Variants in ASIC2 observed in about 807,000 individuals in gnomAD.
ASIC2 encodes the protein acid-sensing ion channel 2.
ASIC2 carries 25 observed loss-of-function variants against 57.3 expected under a neutral mutation model. The observed-to-expected ratio is 0.44, with a 90% CI of 0.32 to 0.61. ASIC2 has a LOEUF of 0.61. Among genes scored for constraint, ASIC2 ranks in the 20% least tolerant of loss-of-function variants. The probability of loss-of-function intolerance (pLI) is 0.06; values close to 1 mark genes in which losing one functional copy is unlikely to be tolerated. For missense variants in ASIC2, 641 were observed against 738.1 expected, an observed-to-expected ratio of 0.87 and a Z score of 1.52; for synonymous variants, 319 against 307.5, an observed-to-expected ratio of 1.04 and a Z score of -0.39.
intron 1 of ASIC2, among the ~76,000 whole-genome samples, chr17:34,116,660 G>T (rs566686047): frequency 3.3e-5 from 5 of 152,220 alleles, no homozygotes; most frequent in South Asian, 2.1e-4. Context: ...TAGACCACCT[G>T]TCTTTCTCCC....
At chr17:33,873,015 A>C (rs1914459820) in intron 1 of ASIC2, among the ~76,000 whole-genome samples, 1 of 152,140 alleles carries the variant, frequency 6.6e-6, no homozygotes, top group South Asian at 2.1e-4. Context: ...TAAGACAGAG[A>C]CAAGAACTTC....
intron 1 of ASIC2, among the ~76,000 whole-genome samples, chr17:33,751,240 G>T (rs1241904617): frequency 6.6e-6 from 1 of 152,186 alleles, no homozygotes; most frequent in African/African-American, 2.4e-5. Context: ...ACGGCTCATA[G>T]CTTGCTGCTA....
At chr17:33,311,903 C>A (rs1005135771) in intron 1 of ASIC2, among the ~76,000 whole-genome samples, 22 of 152,220 alleles carry the variant, frequency 1.4e-4, no homozygotes, top group African/African-American at 5.1e-4. Flanking sequence ...GCTCCACCAT[C>A]AGCAAATGGC....
chr17:33,709,393 G>A (rs927866508), intron 1 of ASIC2, among the ~76,000 whole-genome samples: 11 of 152,140 alleles, frequency 7.2e-5, no homozygotes, highest in African/African-American at 2.2e-4. Context: ...AGATAATCTC[G>A]GATTATTCAT....
At chr17:33,359,021 G>GC (rs1457890008) in intron 1 of ASIC2, among the ~76,000 whole-genome samples, 17 of 152,164 alleles carry the variant, frequency 1.1e-4, no homozygotes, top group African/African-American at 3.1e-4. Context: ...GAGCCTCTTT[G>GC]CCCCCCCTTT....
chr17:33,139,872 G>T (rs980380858), intron 1 of ASIC2, among the ~76,000 whole-genome samples: 1 of 152,210 alleles, frequency 6.6e-6, no homozygotes, highest in African/African-American at 2.4e-5. Context: ...ATTAGCTATT[G>T]TGTTCTAATG....
At chr17:33,124,380 G>T (rs899420091) in intron 1 of ASIC2, among the ~76,000 whole-genome samples, 1 of 152,202 alleles carries the variant, frequency 6.6e-6, no homozygotes, top group Non-Finnish European at 1.5e-5. Flanking sequence ...CAGCATGCAT[G>T]ATGCCACTCT....
chr17:33,669,028 T>C (rs1405714958), intron 1 of ASIC2, among the ~76,000 whole-genome samples: 2 of 152,154 alleles, frequency 1.3e-5, no homozygotes, highest in African/African-American at 4.8e-5. Flanking sequence ...CCCATGCAAG[T>C]GGTCTAGCAT....
At chr17:33,905,599 T>G (rs1206418576) in intron 1 of ASIC2, among the ~76,000 whole-genome samples, 1 of 152,128 alleles carries the variant, frequency 6.6e-6, no homozygotes, top group Non-Finnish European at 1.5e-5. Flanking sequence ...GAGAGTAAAA[T>G]GCTAATATGG....
At chr17:33,061,704 T>G (rs189137899) in intron 3 of ASIC2, among the ~76,000 whole-genome samples, 68 of 152,352 alleles carry the variant, frequency 4.5e-4, no homozygotes, top group African/African-American at 1.5e-3. Context: ...ATTCCCTCTT[T>G]TTCTATTGAT....
chr17:33,156,534 G>C (rs1167337353), intron 1 of ASIC2, among the ~76,000 whole-genome samples: 1 of 151,926 alleles, frequency 6.6e-6, no homozygotes, highest in African/African-American at 2.4e-5. Flanking sequence ...GAAGTGGGTG[G>C]ATCACGAGGT....
chr17:33,317,352 C>A (rs759043327), intron 1 of ASIC2, among the ~76,000 whole-genome samples: 3 of 152,148 alleles, frequency 2.0e-5, no homozygotes, highest in Non-Finnish European at 4.4e-5. Flanking sequence ...TGCTCTCCTG[C>A]GAAACCTCTG....
intron 1 of ASIC2, among the ~76,000 whole-genome samples, chr17:33,804,859 A>G (rs1025131592): frequency 3.3e-5 from 5 of 152,024 alleles, no homozygotes; most frequent in African/African-American, 1.2e-4. Context: ...TCCTCTCAGA[A>G]ATAATTTTGC....
chr17:33,274,068 A>G (rs74784351), intron 1 of ASIC2, among the ~76,000 whole-genome samples: 82 of 152,324 alleles, frequency 5.4e-4, no homozygotes, highest in South Asian at 2.1e-3. Flanking sequence ...AGTGACATTG[A>G]TAGGATCTGA....
chr17:33,465,734 T>C (rs986574200), intron 1 of ASIC2, among the ~76,000 whole-genome samples: 1 of 152,180 alleles, frequency 6.6e-6, no homozygotes, highest in Non-Finnish European at 1.5e-5. Flanking sequence ...CCCCTTTTCC[T>C]TGAAGAATGA....
rs566875132 is a variant in ASIC2, at chr17:34,156,633, A to C, written c.-101T>G. 1 of 1,273,562 alleles carries C rather than the reference A, an allele frequency of 7.9e-7. No individual in the cohort carries two copies. The highest frequency in any genetic ancestry group is 1.5e-5 in the African/African-American group (1 of 66,680). 78.9% of individuals were successfully genotyped at this position (1,273,562 alleles called of 1,614,324 possible). On this transcript the variant is annotated 5_prime_UTR_variant, in exon 1 of 10. Transcript: ENST00000359872. This position sits in a 1 kb window ranked among gnomAD's most constrained non-coding sequence, Gnocchi z 4.4. ...GCTTAAACCTTGACGTTCAGGGGAGAGAACGCAAGGCAAGCATCGCGCCAG... is the reference window on the plus strand; with the variant it reads ...GCTTAAACCTTGACGTTCAGGGGAGCGAACGCAAGGCAAGCATCGCGCCAG...
chr17:33,504,268 C>T (rs570698347), intron 1 of ASIC2, among the ~76,000 whole-genome samples: 1 of 152,348 alleles, frequency 6.6e-6, no homozygotes, highest in South Asian at 2.1e-4. Context: ...TCTAAACCAT[C>T]CTGACTGTCA....
chr17:33,267,053 G>A (rs1407127326), intron 1 of ASIC2, among the ~76,000 whole-genome samples: 1 of 152,150 alleles, frequency 6.6e-6, no homozygotes, highest in Non-Finnish European at 1.5e-5. Flanking sequence ...TTTCTTGGCT[G>A]TTCACTGGGC....
At chr17:33,524,519 G>A (rs1914831921) in intron 1 of ASIC2, among the ~76,000 whole-genome samples, 1 of 152,192 alleles carries the variant, frequency 6.6e-6, no homozygotes, top group Non-Finnish European at 1.5e-5. Context: ...TATTGTTTCT[G>A]TATGTTCTGG....
Sources: gnomAD v4.1 joint callset for allele counts (sites outside exome capture counted in the v4.1 genomes callset) on GRCh38, gnomAD v4.1.1 for gene constraint, Gnocchi (gnomAD v3.1) non-coding constraint, MANE v1.5 for transcripts, NCBI Gene and HGNC (gene_info 2026-07-23, HGNC 2026-07-21) for gene names.